The following MACROD2 variants were observed in gnomAD, a reference collection of about 807,000 sequenced individuals.
MACROD2 encodes the protein ADP-ribose glycohydrolase MACROD2.
In MACROD2, 36 loss-of-function variants were observed where a neutral mutation model predicts 70.4. That is an observed-to-expected ratio of 0.51 (90% CI 0.39 to 0.68). The LOEUF (loss-of-function observed/expected upper bound fraction) is 0.68. Ranked by LOEUF, MACROD2 falls within the 30% of genes least tolerant of loss-of-function variation. The pLI is 0.00. For missense variants in MACROD2, 496 were observed against 538.4 expected, an observed-to-expected ratio of 0.92 and a Z score of 0.78; for synonymous variants, 172 against 178.8, an observed-to-expected ratio of 0.96 and a Z score of 0.30.
chr20:15,063,947 A>T (rs2075553973), intron 5 of MACROD2, among the ~76,000 whole-genome samples: 1 of 152,142 alleles, frequency 6.6e-6, no homozygotes, highest in African/African-American at 2.4e-5. Context: ...TTACTGCTGG[A>T]AATAAGGTTA....
intron 5 of MACROD2, among the ~76,000 whole-genome samples, chr20:15,019,768 A>C (rs544057794): frequency 6.4e-4 from 97 of 152,318 alleles, no homozygotes; most frequent in African/African-American, 1.9e-3. Flanking sequence ...ATTGACAAAC[A>C]CTTTCTGTAA....
rs61429158 is a variant in MACROD2 at position 15,378,969 on chromosome 20, G to A, written c.541-52436G>A. Among the ~76,000 whole-genome samples the A allele has an allele frequency of 2.1e-3, 326 of 152,218 alleles. 3 individuals carry two copies. The highest frequency in any genetic ancestry group is 7.3e-3 in the African/African-American group (303 of 41,536). Reference sequence around the variant, plus strand: ...ACTGAGGCATGTGAATTCTAAATTGGTCTTCATAAATGTGAAGGAATGCCT... The same window carrying A: ...ACTGAGGCATGTGAATTCTAAATTGATCTTCATAAATGTGAAGGAATGCCT... On this transcript the variant is annotated intron_variant, in intron 6 of 17. Transcript: ENST00000684519.
intron 5 of MACROD2, among the ~76,000 whole-genome samples, chr20:14,838,146 G>C (rs2073050487): frequency 6.6e-6 from 1 of 152,020 alleles, no homozygotes; most frequent in Non-Finnish European, 1.5e-5. Flanking sequence ...TTTATTGTGT[G>C]TAAGTGTATG....
chr20:14,569,511 A>G (rs1453567602), intron 4 of MACROD2, among the ~76,000 whole-genome samples: 1 of 151,940 alleles, frequency 6.6e-6, no homozygotes, highest in East Asian at 1.9e-4. Flanking sequence ...ACAACCCAGC[A>G]TCATTCTTTG....
chr20:14,227,304 C>G (rs906368135), intron 3 of MACROD2, among the ~76,000 whole-genome samples: 1 of 152,074 alleles, frequency 6.6e-6, no homozygotes, highest in African/African-American at 2.4e-5. Context: ...AGGCTCGGGT[C>G]CCCTTTCACA....
chr20:14,675,140 A>G (rs2070844055), intron 4 of MACROD2, among the ~76,000 whole-genome samples: 1 of 152,220 alleles, frequency 6.6e-6, no homozygotes, highest in African/African-American at 2.4e-5. Context: ...TCAGGATATT[A>G]TCCAGGAGAA....
At chr20:15,546,634 T>C (rs1399343263) in intron 8 of MACROD2, among the ~76,000 whole-genome samples, 2 of 152,218 alleles carry the variant, frequency 1.3e-5, no homozygotes, top group African/African-American at 4.8e-5. Context: ...AGCACATCAA[T>C]GCAAAGGTGA....
At chr20:15,350,025 A>G (rs940205943) in intron 6 of MACROD2, among the ~76,000 whole-genome samples, 1 of 152,138 alleles carries the variant, frequency 6.6e-6, no homozygotes, top group African/African-American at 2.4e-5. Flanking sequence ...ATAAACTTGA[A>G]GTGAGTCTAA....
At chr20:14,920,002 G>A (rs2074141851) in intron 5 of MACROD2, among the ~76,000 whole-genome samples, 1 of 152,176 alleles carries the variant, frequency 6.6e-6, no homozygotes, top group South Asian at 2.1e-4. Context: ...CAGCAGGTGA[G>A]CACACCTGGG....
chr20:16,041,270 G>C lies in MACROD2; in HGVS notation c.1223G>C (p.Gly408Ala), dbSNP rs200425088. The change falls in exon 16 of 18, where the codon GGT becomes GCT. Residue 408 changes from glycine to alanine, a missense_variant. By Grantham distance (60) the Gly-to-Ala change is moderately conservative (BLOSUM62 0). Transcript: ENST00000684519. ...EGSSDLENTP[G>A]PDVEMNSQVD... ...TCCAGTGACCTAGAAAATACTCCAG[G>C]TCCTGATGGTAAGGTTCTGAGCTAT... 9 of 1,611,668 alleles carry C rather than the reference G, an allele frequency of 5.6e-6. No homozygotes were observed. Among genetic ancestry groups the C allele is most frequent in the Non-Finnish European group, 7.6e-6 (9 of 1,178,638 alleles).
intron 3 of MACROD2, among the ~76,000 whole-genome samples, chr20:14,156,399 C>A (rs541335555): frequency 6.6e-6 from 1 of 152,240 alleles, no homozygotes; most frequent in Non-Finnish European, 1.5e-5. Flanking sequence ...CTATGAAATG[C>A]TAGAATTCAT....
At chr20:14,988,954 T>C (rs940772192) in intron 5 of MACROD2, among the ~76,000 whole-genome samples, 1 of 152,110 alleles carries the variant, frequency 6.6e-6, no homozygotes, top group Non-Finnish European at 1.5e-5. Context: ...ATATAAATAA[T>C]AAAGACTTAG....
At chr20:14,481,484 T>C (rs2084662921) in intron 3 of MACROD2, among the ~76,000 whole-genome samples, 1 of 152,196 alleles carries the variant, frequency 6.6e-6, no homozygotes, top group Admixed American at 6.5e-5. Context: ...TGGCGAAATA[T>C]TTAAATTTTT....
At chr20:15,665,914 T>A (rs2049890959) in intron 8 of MACROD2, among the ~76,000 whole-genome samples, 1 of 152,180 alleles carries the variant, frequency 6.6e-6, no homozygotes, top group Non-Finnish European at 1.5e-5. Context: ...TTTTATGATC[T>A]GACGTCCCAG....
At chr20:14,515,205 A>T (rs1299655485) in intron 4 of MACROD2, among the ~76,000 whole-genome samples, 1 of 152,076 alleles carries the variant, frequency 6.6e-6, no homozygotes, top group Non-Finnish European at 1.5e-5. Context: ...CATAAAAGAA[A>T]TATTTCACAA....
intron 13 of MACROD2, among the ~76,000 whole-genome samples, chr20:15,971,073 G>A (rs965035763): frequency 6.6e-6 from 1 of 152,156 alleles, no homozygotes; most frequent in Non-Finnish European, 1.5e-5. Flanking sequence ...TACCAGGCAT[G>A]CAAAGAATTA....
intron 3 of MACROD2, among the ~76,000 whole-genome samples, chr20:14,182,208 T>C (rs1183424477): frequency 6.6e-6 from 1 of 152,210 alleles, no homozygotes; most frequent in African/African-American, 2.4e-5. Context: ...TTACACTGTG[T>C]ATTTTATTTT....
chr20:15,068,872 T>C (rs903249528), intron 5 of MACROD2, among the ~76,000 whole-genome samples: 17 of 152,194 alleles, frequency 1.1e-4, no homozygotes, highest in African/African-American at 4.1e-4. Context: ...AAAGTGGCTT[T>C]GAAACTGGTA....
At chr20:14,129,540 TAAAGC>T (rs1383447045) in intron 3 of MACROD2, among the ~76,000 whole-genome samples, 1 of 152,192 alleles carries the variant, frequency 6.6e-6, no homozygotes, top group Non-Finnish European at 1.5e-5. Flanking sequence ...ACTTAGTTGA[TAAAGC>T]AGAGCAGGGT....
Sources: allele counts gnomAD v4.1 joint callset (sites outside exome capture counted in the v4.1 genomes callset), GRCh38; gene constraint gnomAD v4.1.1; transcripts MANE v1.5; gene names NCBI Gene and HGNC (gene_info 2026-07-23, HGNC 2026-07-21).